Variants in TMEM131L observed in about 807,000 individuals in gnomAD.
TMEM131L encodes the protein transmembrane protein 131-like.
Under a neutral mutation model 192.2 loss-of-function variants are expected in TMEM131L, and 54 were observed. The observed-to-expected ratio is 0.28, with a 90% CI of 0.23 to 0.35. The LOEUF is 0.35. Ranked by LOEUF, TMEM131L falls within the 10% of genes least tolerant of loss-of-function variation. The pLI, the probability that TMEM131L is intolerant of heterozygous loss-of-function variation, is 1.00. For synonymous variants in TMEM131L, 701 were observed against 704.9 expected (o/e 0.99, Z 0.09); for missense variants, 1,888 against 1,972.9 (o/e 0.96, Z 0.82).
chr4:153,583,291 G>A, intron 10 of TMEM131L, 43 bp downstream of exon 10: 2 of 1,002,028 alleles, frequency 2.0e-6, no homozygotes, highest in African/African-American at 1.6e-5. Flanking sequence ...AAAATTGCAA[G>A]TGTGCATTTA....
intron 4 of TMEM131L, among the ~76,000 whole-genome samples, chr4:153,553,605 G>T (rs752054423): frequency 2.0e-5 from 3 of 152,062 alleles, no homozygotes; most frequent in African/African-American, 7.2e-5. Context: ...TGATTTCTTC[G>T]CTGTCCCAGT....
chr4:153,494,273 T>A (rs908763715), intron 3 of TMEM131L, among the ~76,000 whole-genome samples: 5 of 152,200 alleles, frequency 3.3e-5, no homozygotes, highest in Non-Finnish European at 5.9e-5. Context: ...CTTAAGGAAG[T>A]AGGATAAATT....
intron 7 of TMEM131L, among the ~76,000 whole-genome samples, chr4:153,573,390 G>A (rs1458990016): frequency 9.2e-5 from 14 of 152,250 alleles, no homozygotes; most frequent in Non-Finnish European, 2.9e-5. Flanking sequence ...TGCCAGACAT[G>A]CAGGGCCTAC....
At chr4:153,590,575 T>C (rs1730997289) in intron 16 of TMEM131L, among the ~76,000 whole-genome samples, 1 of 152,240 alleles carries the variant, frequency 6.6e-6, no homozygotes, top group South Asian at 2.1e-4. Flanking sequence ...GGTTTTAGTA[T>C]CTATTGATAA....
At chr4:153,511,741 G>GA (rs1486289025) in intron 3 of TMEM131L, among the ~76,000 whole-genome samples, 5 of 152,254 alleles carry the variant, frequency 3.3e-5, no homozygotes, top group Admixed American at 3.3e-4. Context: ...ATTTTGTGCT[G>GA]AATCTTGTCT....
intron 3 of TMEM131L, among the ~76,000 whole-genome samples, chr4:153,495,347 A>C (rs928276264): frequency 3.9e-5 from 6 of 151,980 alleles, no homozygotes; most frequent in Non-Finnish European, 1.5e-5. Flanking sequence ...CAAGTAAGTT[A>C]ATTTTGCCAA....
intron 6 of TMEM131L, 142 bp downstream of exon 6, chr4:153,557,224 T>C (rs1728531642): frequency 1.6e-6 from 1 of 612,382 alleles, no homozygotes. Flanking sequence ...GATGTTAAAA[T>C]CATCAGCATT....
rs768613321 is a variant in TMEM131L at position 153,602,202 on chromosome 4, G to T, written c.2317G>T (p.Glu773Ter). The T allele has an allele frequency of 6.2e-7, 1 of 1,610,812 alleles. No individual in the cohort carries two copies. Residue 773 changes from glutamate (E) to a stop codon, truncating the protein, a stop_gained, in exon 22 of 35, where the codon GAG becomes TAG. Transcript: ENST00000409959. LOFTEE classifies it high-confidence loss of function. ...ILSITKNFKV[E>*]NIGPLPITVS... is the part of the protein sequence containing the mutation. ...ATCTATTACAAAGAACTTTAAAGTT[G>T]AGAATATTGGACCTCTTCCTATAAC...
intron 21 of TMEM131L, 71 bp from the exon 22 acceptor site, chr4:153,602,081 G>T: frequency 5.4e-6 from 5 of 922,696 alleles, no homozygotes; most frequent in South Asian, 2.1e-5. Context: ...AATAAATATC[G>T]ATCCAATAAA....
chr4:153,589,047 A>G, intron 16 of TMEM131L, 40 bp downstream of exon 16: 1 of 1,086,074 alleles, frequency 9.2e-7, no homozygotes, highest in South Asian at 1.3e-5. Flanking sequence ...GGTGGTGGGG[A>G]GACACTGTTA....
intron 7 of TMEM131L, among the ~76,000 whole-genome samples, chr4:153,571,309 T>C (rs1198307146): frequency 6.6e-6 from 1 of 152,208 alleles, no homozygotes; most frequent in Non-Finnish European, 1.5e-5. Flanking sequence ...TTCTTTTGAT[T>C]GAGTCCTAAA....
intron 3 of TMEM131L, among the ~76,000 whole-genome samples, chr4:153,547,476 A>G (rs1325318786): frequency 6.6e-6 from 1 of 152,252 alleles, no homozygotes; most frequent in Admixed American, 6.5e-5. Flanking sequence ...GATGAGGGTC[A>G]TCCTCTTAGT....
At chr4:153,577,879 G>A (rs552942257) in intron 7 of TMEM131L, among the ~76,000 whole-genome samples, 1 of 152,314 alleles carries the variant, frequency 6.6e-6, no homozygotes, top group Admixed American at 6.5e-5. Context: ...GAAGATTCAG[G>A]TGGATGCCCA....
chr4:153,567,410 GT>G (rs1009003165), intron 7 of TMEM131L, among the ~76,000 whole-genome samples: 3 of 152,292 alleles, frequency 2.0e-5, no homozygotes, highest in African/African-American at 7.2e-5. Flanking sequence ...AGATGTAACT[GT>G]TTTTTGTTGT....
chr4:153,540,444 C>A (rs1736691228), intron 3 of TMEM131L, among the ~76,000 whole-genome samples: 2 of 152,196 alleles, frequency 1.3e-5, no homozygotes, highest in Admixed American at 1.3e-4. Context: ...GCCAGGTGAT[C>A]TCTTCCTCTT....
chr4:153,630,785 G>T (rs1266362793), intron 31 of TMEM131L, among the ~76,000 whole-genome samples: 1 of 151,792 alleles, frequency 6.6e-6, no homozygotes, highest in East Asian at 1.9e-4. Context: ...GGGCAATGAT[G>T]CACCCAGGCA....
chr4:153,503,699 G>A (rs1390100821), intron 3 of TMEM131L, among the ~76,000 whole-genome samples: 1 of 152,150 alleles, frequency 6.6e-6, no homozygotes, highest in Admixed American at 6.5e-5. Context: ...GAGTTAGACG[G>A]GGTTTTACCA....
At chr4:153,559,342 T>C (rs1305036883) in intron 7 of TMEM131L, among the ~76,000 whole-genome samples, 1 of 152,186 alleles carries the variant, frequency 6.6e-6, no homozygotes, top group Admixed American at 6.5e-5. Context: ...CTTCTTTTAA[T>C]TTGCAAATTT....
chr4:153,554,150 T>G (rs1157806539), intron 4 of TMEM131L: 1 of 152,214 alleles, frequency 6.6e-6, no homozygotes, highest in Non-Finnish European at 1.5e-5. Flanking sequence ...TATTATTTAC[T>G]TGAAACCCAA....
Sources: gnomAD v4.1 joint callset for allele counts (sites outside exome capture counted in the v4.1 genomes callset) on GRCh38, gnomAD v4.1.1 for gene constraint, MANE v1.5 for transcripts, NCBI Gene and HGNC (gene_info 2026-07-23, HGNC 2026-07-21) for gene names.